The following SMARCB1 variants were observed in gnomAD, a reference collection of about 807,000 sequenced individuals.
SMARCB1 encodes the protein SWI/SNF related BAF chromatin remodeling complex subunit B1.
A neutral mutation model predicts 49.0 loss-of-function variants in SMARCB1; 5 were observed. That is an observed-to-expected ratio of 0.10 (90% CI 0.05 to 0.21). SMARCB1 has a LOEUF of 0.21. SMARCB1 is among the 10% of genes least tolerant of loss of function. The pLI is 1.00. For missense variants in SMARCB1, 226 were observed against 509.2 expected (o/e 0.44, Z 5.35); for synonymous variants, 201 against 200.1 (o/e 1.00, Z -0.04).
chr22:23,816,978 CAG>C (rs753078925), intron 6 of SMARCB1, 42 bp downstream of exon 6: 9 of 1,559,806 alleles, frequency 5.8e-6, no homozygotes, highest in Non-Finnish European at 5.3e-6. Context: ...TCCTGGCCCT[CAG>C]GGTGGGTGTC....
rs769792515 is a variant in SMARCB1 at position 23,834,936 on chromosome 22, C to T, written c.*756C>T. On this transcript the variant is annotated 3_prime_UTR_variant, in exon 9 of 9. Transcript: ENST00000644036. ...GGCCTTGCTGCTCTGAAGTCCCCTG[C>T]GGAGGGCCCAGTCCTGTGTGGGCAC... is the stretch of plus-strand genomic sequence containing the variant. 2.0e-5 allele frequency: 32 copies of T among 1,605,336 alleles called. No individual in the cohort carries two copies. The highest frequency in any genetic ancestry group is 1.7e-4 in the Middle Eastern group (1 of 6,000).
intron 3 of SMARCB1, among the ~76,000 whole-genome samples, chr22:23,797,865 C>T (rs909285452): frequency 1.4e-4 from 21 of 152,048 alleles, no homozygotes; most frequent in Middle Eastern, 3.4e-3. Context: ...GTGATCCGTC[C>T]GCCTCGGCCT....
chr22:23,831,742 G>A (rs1039082695), intron 7 of SMARCB1, among the ~76,000 whole-genome samples: 3 of 152,166 alleles, frequency 2.0e-5, no homozygotes, highest in Admixed American at 6.5e-5. Flanking sequence ...TTGTGGGCTT[G>A]GTACCTTTCA....
intron 5 of SMARCB1, among the ~76,000 whole-genome samples, chr22:23,807,971 T>C (rs1929610849): frequency 6.8e-6 from 1 of 147,170 alleles, no homozygotes; most frequent in East Asian, 2.0e-4. Context: ...ATTTTTTTTT[T>C]TTTTTTTTGA....
At chr22:23,832,592 C>T (rs935016715) in intron 7 of SMARCB1, among the ~76,000 whole-genome samples, 2 of 152,158 alleles carry the variant, frequency 1.3e-5, no homozygotes, top group Admixed American at 1.3e-4. Flanking sequence ...CAGGCTGAGG[C>T]CTTCTGCCAA....
chr22:23,816,183 G>T (rs9612450), intron 5 of SMARCB1: 20,376 of 166,136 alleles, frequency 0.12, 1,372 homozygotes, highest in South Asian at 0.26. Flanking sequence ...CTGAGGTCTG[G>T]CTGGCCACAG....
chr22:23,834,377 A>T lies in SMARCB1; in HGVS notation c.*197A>T. 3.4e-6 allele frequency: 1 copy of T among 295,934 alleles called. No homozygotes were observed. Among genetic ancestry groups the T allele is most frequent in the South Asian group, 3.7e-5 (1 of 27,152 alleles). 18.3% of individuals were successfully genotyped at this position (295,934 alleles called of 1,614,324 possible). On this transcript the variant is annotated 3_prime_UTR_variant, in exon 9 of 9. Coordinates refer to ENST00000644036, the MANE Select transcript of SMARCB1 (RefSeq NM_003073.5). Reference sequence around the variant, plus strand: ...GAGCCCCAGTCCTGCCCCCCACCCCACCCTCCCTACCCCTCCCCAGTCTCT... The same window carrying T: ...GAGCCCCAGTCCTGCCCCCCACCCCTCCCTCCCTACCCCTCCCCAGTCTCT...
At chr22:23,802,679 G>A in intron 4 of SMARCB1, 1 of 185,392 alleles carries the variant, frequency 5.4e-6, no homozygotes. Flanking sequence ...TAGGTGTCCT[G>A]TGTCCTCCAG....
At chr22:23,809,572 G>A (rs893336617) in intron 5 of SMARCB1, among the ~76,000 whole-genome samples, 12 of 149,542 alleles carry the variant, frequency 8.0e-5, no homozygotes, top group Admixed American at 6.0e-4. Flanking sequence ...CACTGTGCTC[G>A]GCCAATTTTT....
At chr22:23,822,945 C>CCACCAG (rs2030173028) in intron 6 of SMARCB1, among the ~76,000 whole-genome samples, 1 of 146,472 alleles carries the variant, frequency 6.8e-6, no homozygotes, top group Non-Finnish European at 1.5e-5. Flanking sequence ...GTCAGTGCCC[C>CCACCAG]CACCAGCATA....
Position 23,801,486 on chromosome 22 carries a change from CA to C in SMARCB1, c.500+406del, listed in dbSNP as rs528478961. On this transcript the variant is annotated intron_variant, in intron 4 of 8. Transcript: ENST00000644036. ...ACCACCACAAACTGGTGGCTTCGAG[CA>C]GAGCACATTTCTTCCCTCACAGTTC... The C allele has an allele frequency of 4.4e-4, 198 of 454,632 alleles. No individual in the cohort carries two copies. The East Asian group carries it at 6.6e-3, about 15-fold the overall frequency. 28.2% of individuals were successfully genotyped at this position (454,632 alleles called of 1,614,324 possible). A position where few individuals can be genotyped will look rare whatever the true frequency, so the allele number is the denominator to read the frequency against.
intron 6 of SMARCB1, among the ~76,000 whole-genome samples, chr22:23,820,019 G>A (rs114353897): frequency 0.13 from 19,741 of 151,372 alleles, 1,386 homozygotes; most frequent in South Asian, 0.27. Context: ...TAGTAGAGAC[G>A]GGGTCTCATC....
chr22:23,793,489 C>T (rs1364161108), intron 2 of SMARCB1, 70 bp from the exon 3 acceptor site: 3 of 1,544,724 alleles, frequency 1.9e-6, no homozygotes, highest in South Asian at 1.1e-5. Flanking sequence ...TGATGTGCTG[C>T]ATCCACTTGG....
In SMARCB1 at chr22:23,834,356, C is replaced by T; in HGVS notation, c.*176C>T. On this transcript the variant is annotated 3_prime_UTR_variant, in exon 9 of 9. Transcript: ENST00000644036. Reference sequence around the variant, plus strand: ...CCGGCACACATTCCATTTGTTGAGCCCCAGTCCTGCCCCCCACCCCACCCT... The same window carrying T: ...CCGGCACACATTCCATTTGTTGAGCTCCAGTCCTGCCCCCCACCCCACCCT... The T allele has an allele frequency of 1.4e-6, 1 of 729,454 alleles. No homozygotes were observed. Among genetic ancestry groups the T allele is most frequent in the Non-Finnish European group, 2.4e-6 (1 of 411,870 alleles). The allele number at this position is 729,454 out of a possible 1,614,324, so 45.2% of individuals were successfully genotyped here.
chr22:23,813,923 G>A (rs1006325472), intron 5 of SMARCB1, among the ~76,000 whole-genome samples: 2 of 152,110 alleles, frequency 1.3e-5, no homozygotes, highest in African/African-American at 4.8e-5. Flanking sequence ...TCCACCTTCC[G>A]GTTTCAAGCG....
intron 7 of SMARCB1, among the ~76,000 whole-genome samples, chr22:23,830,699 G>A (rs1419101096): frequency 1.6e-5 from 2 of 124,580 alleles, no homozygotes; most frequent in South Asian, 5.6e-4. Flanking sequence ...GTCTCGCTGT[G>A]TCACCAGGCT....
intron 5 of SMARCB1, among the ~76,000 whole-genome samples, chr22:23,812,061 T>G (rs562975329): frequency 6.6e-6 from 1 of 152,342 alleles, no homozygotes; most frequent in East Asian, 1.9e-4. Context: ...CAAAATGGAT[T>G]AATTTCTTGC....
chr22:23,813,088 AAC>A (rs1929978409), intron 5 of SMARCB1, among the ~76,000 whole-genome samples: 1 of 152,110 alleles, frequency 6.6e-6, no homozygotes, highest in African/African-American at 2.4e-5. Context: ...GAATGTCTCG[AAC>A]TCCTGACCAT....
chr22:23,798,877 C>T (rs1051040538), intron 3 of SMARCB1, among the ~76,000 whole-genome samples: 45 of 152,042 alleles, frequency 3.0e-4, no homozygotes, highest in Middle Eastern at 3.4e-3. Context: ...GGTGAAACCC[C>T]GTCTCTACTA....
Sources: gnomAD v4.1 joint callset for allele counts (sites outside exome capture counted in the v4.1 genomes callset) on GRCh38, gnomAD v4.1.1 for gene constraint, MANE v1.5 for transcripts, NCBI Gene and HGNC (gene_info 2026-07-23, HGNC 2026-07-21) for gene names.